The following EMCN variants were observed in gnomAD, a reference collection of about 807,000 sequenced individuals.
EMCN encodes endomucin, also known as MUC-14.
A neutral mutation model predicts 38.4 loss-of-function variants in EMCN; 37 were observed. The observed-to-expected ratio is 0.96, with a 90% CI of 0.74 to 1.27. EMCN has a LOEUF of 1.27. EMCN is among the 50% of genes most tolerant of loss of function. The pLI, the probability that EMCN is intolerant of heterozygous loss-of-function variation, is 0.00. For missense variants in EMCN, 318 were observed against 302.8 expected (o/e 1.05, Z -0.37); for synonymous variants, 95 against 100.8 (o/e 0.94, Z 0.35).
At chr4:100,501,200 T>A (rs1014373517) in intron 1 of EMCN, among the ~76,000 whole-genome samples, 10 of 152,128 alleles carry the variant, frequency 6.6e-5, no homozygotes, top group African/African-American at 2.4e-4. Flanking sequence ...TTTAAGTCAA[T>A]GGTTCATCTG....
intron 1 of EMCN, among the ~76,000 whole-genome samples, chr4:100,497,982 CATG>C (rs1729254389): frequency 6.6e-6 from 1 of 151,864 alleles, no homozygotes; most frequent in South Asian, 2.1e-4. Flanking sequence ...GTGATGAGAT[CATG>C]ATATTTAAGT....
Position 100,423,342 on chromosome 4 carries a change from T to C in EMCN, c.478A>G (p.Thr160Ala), listed in dbSNP as rs922387802. 9.9e-6 allele frequency: 16 copies of C among 1,612,934 alleles called. No homozygotes were observed. Among genetic ancestry groups the C allele is most frequent in the Non-Finnish European group, 2.5e-6 (3 of 1,179,308 alleles). Residue 160 changes from threonine (T) to alanine (A), a missense_variant, in exon 6 of 12, where the codon ACA becomes GCA. Thr to Ala is a moderately conservative substitution (Grantham distance 58). Coordinates refer to ENST00000296420, the MANE Select transcript of EMCN (RefSeq NM_016242.4). ...GACTGTGAGGTGTTTTCTGGAATTG[T>C]AACTGGTATTGAGGTTAATGTACCA... ...KTGTLTSIPV[T>A]IPENTSQSQV...
At chr4:100,452,956 G>A (rs895006978) in intron 4 of EMCN, among the ~76,000 whole-genome samples, 1 of 152,074 alleles carries the variant, frequency 6.6e-6, no homozygotes, top group African/African-American at 2.4e-5. Flanking sequence ...AAATGGTGCT[G>A]GGAAAACTGG....
chr4:100,408,030 A>C (rs1438316510), intron 11 of EMCN, among the ~76,000 whole-genome samples: 2 of 152,050 alleles, frequency 1.3e-5, no homozygotes, highest in Non-Finnish European at 2.9e-5. Context: ...AATACTTCCA[A>C]TGTGTTATGA....
chr4:100,511,442 G>C (rs1729622346), intron 1 of EMCN, among the ~76,000 whole-genome samples: 1 of 152,158 alleles, frequency 6.6e-6, no homozygotes, highest in South Asian at 2.1e-4. Flanking sequence ...GTTTCAGCTA[G>C]AGTATGACTG....
chr4:100,483,639 C>A (rs1311618223), intron 1 of EMCN, among the ~76,000 whole-genome samples: 6 of 151,286 alleles, frequency 4.0e-5, no homozygotes, highest in Non-Finnish European at 8.9e-5. Context: ...CTGAAAAATG[C>A]AAAAAAAAGT....
rs1383948007 is a variant in EMCN, at chr4:100,395,879, TTTTG to T, written c.*2530_*2533del. Reference sequence around the variant, plus strand: ...GTGACAACAGTGCCAGTTAATTAGCTTTTGTTTATGTTTTGACTATTGATAGACT... The same window carrying T: ...GTGACAACAGTGCCAGTTAATTAGCTTTTATGTTTTGACTATTGATAGACT... On this transcript the variant is annotated 3_prime_UTR_variant, in exon 12 of 12. Transcript: ENST00000296420. 1 of 152,192 alleles carries T rather than the reference TTTTG, an allele frequency of 6.6e-6. No homozygotes were observed. 9.4% of individuals were successfully genotyped at this position (152,192 alleles called of 1,614,324 possible). A position where few individuals can be genotyped will look rare whatever the true frequency, so the allele number is the denominator to read the frequency against.
intron 5 of EMCN, among the ~76,000 whole-genome samples, chr4:100,447,207 C>T (rs1437840082): frequency 6.6e-6 from 1 of 152,142 alleles, no homozygotes; most frequent in African/African-American, 2.4e-5. Context: ...ACATTTTGTA[C>T]TTCTGGGAGA....
intron 4 of EMCN, among the ~76,000 whole-genome samples, chr4:100,451,374 C>T (rs1186812685): frequency 6.6e-6 from 1 of 151,420 alleles, no homozygotes; most frequent in East Asian, 1.9e-4. Flanking sequence ...TTTGAATCAG[C>T]ATTTAGAGGT....
intron 10 of EMCN, among the ~76,000 whole-genome samples, chr4:100,410,758 CT>C (rs1187883146): frequency 6.6e-6 from 1 of 152,120 alleles, no homozygotes; most frequent in Non-Finnish European, 1.5e-5. Context: ...TTCTAGGGTC[CT>C]TCTGTTTAAA....
intron 5 of EMCN, among the ~76,000 whole-genome samples, chr4:100,440,912 C>T (rs967228937): frequency 2.0e-4 from 31 of 151,672 alleles, no homozygotes; most frequent in African/African-American, 7.5e-4. Context: ...GGTGAAACCC[C>T]GTCTTGACTA....
intron 1 of EMCN, among the ~76,000 whole-genome samples, chr4:100,509,459 T>G (rs1729567949): frequency 6.6e-6 from 1 of 152,192 alleles, no homozygotes; most frequent in South Asian, 2.1e-4. Context: ...CAGAGAGAGA[T>G]AATTGGAGAA....
chr4:100,504,288 C>T (rs562549215), intron 1 of EMCN, among the ~76,000 whole-genome samples: 2 of 152,258 alleles, frequency 1.3e-5, no homozygotes, highest in African/African-American at 2.4e-5. Flanking sequence ...TAAAGATAGC[C>T]GATAGCTGCC....
intron 6 of EMCN, 80 bp from the exon 7 acceptor site, chr4:100,423,160 A>C: frequency 6.9e-7 from 1 of 1,444,256 alleles, no homozygotes; most frequent in Non-Finnish European, 9.7e-7. Context: ...TCATTTAAGG[A>C]AACAGCCATG....
chr4:100,479,940 G>C lies in EMCN; in HGVS notation c.164C>G (p.Pro55Arg). ...ACCTTTAGGAGTTGTTCCAGTTGTT[G>C]GTGTGACAACATTTTTCTGTAATGA... ...TESLQKNVVTPTTGTTPKGTI... is the reference protein window; with the variant it reads ...TESLQKNVVTRTTGTTPKGTI... The change falls in exon 2 of 12, where the codon CCA becomes CGA. Residue 55 changes from proline (P) to arginine (R), a missense_variant. Coordinates refer to ENST00000296420, the MANE Select transcript of EMCN (RefSeq NM_016242.4). 3 of 1,608,280 alleles carry C rather than the reference G, an allele frequency of 1.9e-6. No homozygotes were observed. The highest frequency in any genetic ancestry group is 2.5e-6 in the Non-Finnish European group (3 of 1,177,512).
intron 1 of EMCN, among the ~76,000 whole-genome samples, chr4:100,495,952 CTG>C (rs1269867856): frequency 6.6e-6 from 1 of 152,030 alleles, no homozygotes; most frequent in Non-Finnish European, 1.5e-5. Flanking sequence ...AGTAAAACAA[CTG>C]TGTTGAATTT....
At chr4:100,442,640 A>T (rs1727556345) in intron 5 of EMCN, among the ~76,000 whole-genome samples, 1 of 151,422 alleles carries the variant, frequency 6.6e-6, no homozygotes, top group South Asian at 2.1e-4. Flanking sequence ...CTTCTGATTG[A>T]TCTCGTCTGC....
intron 5 of EMCN, among the ~76,000 whole-genome samples, chr4:100,433,652 CA>C (rs1727265818): frequency 6.6e-6 from 1 of 152,014 alleles, no homozygotes; most frequent in East Asian, 1.9e-4. Flanking sequence ...TCTCCTGCCT[CA>C]GCCTCTTCAG....
At chr4:100,399,724 G>A (rs1273457851) in intron 11 of EMCN, among the ~76,000 whole-genome samples, 1 of 151,980 alleles carries the variant, frequency 6.6e-6, no homozygotes, top group Admixed American at 6.6e-5. Context: ...GGTCAAGTGA[G>A]GGGTTCCTCA....
Sources: allele counts gnomAD v4.1 joint callset (sites outside exome capture counted in the v4.1 genomes callset), GRCh38; gene constraint gnomAD v4.1.1; transcripts MANE v1.5; gene names NCBI Gene and HGNC (gene_info 2026-07-23, HGNC 2026-07-21).